The following MYL12A variants were observed in gnomAD, a reference collection of about 807,000 sequenced individuals.
The protein encoded by MYL12A is myosin light chain 12A, also known as myosin regulatory light chain 12A.
A neutral mutation model predicts 13.3 loss-of-function variants in MYL12A; 11 were observed. That is an observed-to-expected ratio of 0.83 (90% CI 0.52 to 1.37). The LOEUF is 1.37. Ranked by LOEUF, MYL12A falls within the 40% of genes most tolerant of loss-of-function variation. The probability of loss-of-function intolerance (pLI) is 0.00; values close to 1 mark genes in which losing one functional copy is unlikely to be tolerated. For missense variants in MYL12A, 146 were observed against 212.3 expected, an observed-to-expected ratio of 0.69 and a Z score of 1.94; for synonymous variants, 51 against 69.9, an observed-to-expected ratio of 0.73 and a Z score of 1.35.
intron 1 of MYL12A, chr18:3,248,444 A>G (rs2081452049): frequency 6.6e-6 from 1 of 152,222 alleles, no homozygotes; most frequent in Admixed American, 6.5e-5. Flanking sequence ...AAACTCCAAA[A>G]TGTAATACCT....
rs779502470 is a variant in MYL12A, at chr18:3,253,471, A to C, written c.181+43A>C. 7.5e-6 allele frequency: 12 copies of C among 1,591,398 alleles called. No individual in the cohort carries two copies. In the African/African-American group the frequency reaches 1.2e-4, roughly 16 times the overall value. ...TATTAATCTATTGGATAGAATTTCC[A>C]TGGTGCCTTTCATCTTGATTTCATG... On this transcript the variant is annotated intron_variant, in intron 2 of 3. Coordinates refer to ENST00000217652, the MANE Select transcript of MYL12A (RefSeq NM_006471.4).
At chr18:3,248,219 A>G (rs950696266) in intron 1 of MYL12A, 1 of 146,328 alleles carries the variant, frequency 6.8e-6, no homozygotes, top group African/African-American at 2.5e-5. Flanking sequence ...TCTAACGTCA[A>G]CTTGCCCGAT....
At chr18:3,253,597 G>A in intron 2 of MYL12A, 169 bp downstream of exon 2, 1 of 884,440 alleles carries the variant, frequency 1.1e-6, no homozygotes, top group Non-Finnish European at 1.7e-6. Flanking sequence ...TCGTGACCCT[G>A]TCTTAGGATT....
chr18:3,253,456 T>C (rs2081507445), intron 2 of MYL12A, 28 bp downstream of exon 2: 1 of 1,601,972 alleles, frequency 6.2e-7, no homozygotes, highest in African/African-American at 1.3e-5. Context: ...TATTAATCTA[T>C]TGGATAGAAT....
chr18:3,250,738 C>T (rs930695662), intron 1 of MYL12A, among the ~76,000 whole-genome samples: 1 of 152,158 alleles, frequency 6.6e-6, no homozygotes, highest in Non-Finnish European at 1.5e-5. Context: ...TAAATGATCC[C>T]ACACGGGGTT....
At chr18:3,251,994 A>G (rs1662344) in intron 1 of MYL12A, among the ~76,000 whole-genome samples, 22,721 of 152,084 alleles carry the variant, frequency 0.15, 1,773 homozygotes, top group East Asian at 0.26. Flanking sequence ...AGTCTGGACG[A>G]TATGGTTATA....
At chr18:3,249,750 A>G (rs1001582910) in intron 1 of MYL12A, 5 of 152,236 alleles carry the variant, frequency 3.3e-5, no homozygotes, top group African/African-American at 7.2e-5. Flanking sequence ...TCTACTAAAA[A>G]TACAAAAATT....
chr18:3,253,369 A>G lies in MYL12A; in HGVS notation c.122A>G (p.Asp41Gly), dbSNP rs1427576709. The part of the protein sequence containing the change: ...QEFKEAFNMI[D>G]QNRDGFIDKE... ...TTCAAAGAGGCCTTCAACATGATTG[A>G]TCAGAACAGAGATGGTTTCATCGAC... Residue 41 changes from aspartate to glycine, a missense_variant, in exon 2 of 4, where the codon GAT (aspartate) becomes GGT (glycine). By Grantham distance (94) the Asp-to-Gly change is moderately conservative (BLOSUM62 -1). Coordinates refer to ENST00000217652, the MANE Select transcript of MYL12A (RefSeq NM_006471.4). 6.2e-7 allele frequency: 1 copy of G among 1,613,990 alleles called. No homozygotes were observed. Among genetic ancestry groups the G allele is most frequent in the Non-Finnish European group, 8.5e-7 (1 of 1,179,842 alleles).
chr18:3,253,545 G>A (rs1791105), intron 2 of MYL12A, 117 bp downstream of exon 2: 838,063 of 1,284,772 alleles, frequency 0.65, 279,101 homozygotes, highest in Admixed American at 0.72. Flanking sequence ...TAAGGTTTGA[G>A]TAAAGTGTGG....
intron 3 of MYL12A, 48 bp downstream of exon 3, chr18:3,254,098 A>C (rs762356515): frequency 6.3e-7 from 1 of 1,581,514 alleles, no homozygotes; most frequent in Admixed American, 1.9e-5. Context: ...ATTTTTAGTT[A>C]TGGTAACTAA....
intron 3 of MYL12A, chr18:3,255,506 T>C (rs530491363): frequency 4.0e-5 from 16 of 401,948 alleles, no homozygotes; most frequent in African/African-American, 2.7e-4. Context: ...GATCAGAAGC[T>C]GAATGTGGAG....
At chr18:3,254,647 G>T (rs1485955193) in intron 3 of MYL12A, among the ~76,000 whole-genome samples, 1 of 152,222 alleles carries the variant, frequency 6.6e-6, no homozygotes. Flanking sequence ...ATTAAGTGAA[G>T]AAGTGAGATG....
Position 3,253,929 on chromosome 18 carries a change from T to C in MYL12A, c.222T>C (p.Asn74=). The C allele has an allele frequency of 1.2e-6, 2 of 1,612,000 alleles. No individual in the cohort carries two copies. The highest frequency in any genetic ancestry group is 1.7e-6 in the Non-Finnish European group (2 of 1,179,540). ...ATGAGTATCTAGATGCCATGATGAA[T>C]GAGGCTCCAGGCCCCATCAATTTCA... ...PTDEYLDAMM[N]EAPGPINFTM... Residue 74 remains asparagine, a synonymous_variant, in exon 3 of 4, where the codon AAT becomes AAC. Transcript: ENST00000217652.
At chr18:3,252,178 G>A (rs1435397867) in intron 1 of MYL12A, 11 of 594,578 alleles carry the variant, frequency 1.9e-5, no homozygotes, top group Non-Finnish European at 2.8e-5. Flanking sequence ...TTTTCAGAAC[G>A]TAAGCTTTAA....
Position 3,256,147 on chromosome 18 carries a change from A to C in MYL12A, c.*229A>C. 1 of 563,562 alleles carries C rather than the reference A, an allele frequency of 1.8e-6. No individual in the cohort carries two copies. Among genetic ancestry groups the C allele is most frequent in the Non-Finnish European group, 3.1e-6 (1 of 324,270 alleles). The allele number at this position is 563,562 out of a possible 1,614,324, so 34.9% of individuals were successfully genotyped here. A position where few individuals can be genotyped will look rare whatever the true frequency, so the allele number is the denominator to read the frequency against. On this transcript the variant is annotated 3_prime_UTR_variant, in exon 4 of 4. Coordinates refer to ENST00000217652, the MANE Select transcript of MYL12A (RefSeq NM_006471.4). The stretch of plus-strand genomic sequence containing the variant: ...ACCTACCAGCCCTTCTCCCCCAATA[A>C]CTGTGGTCTATACAGAGTCAATATA...
chr18:3,252,976 A>G (rs939520482), intron 1 of MYL12A, among the ~76,000 whole-genome samples: 1 of 151,732 alleles, frequency 6.6e-6, no homozygotes, highest in Non-Finnish European at 1.5e-5. Context: ...GAGTTTCCTA[A>G]GTACCTAATT....
intron 1 of MYL12A, among the ~76,000 whole-genome samples, chr18:3,250,105 G>C (rs1399973061): frequency 6.6e-6 from 1 of 151,624 alleles, no homozygotes; most frequent in Non-Finnish European, 1.5e-5. Context: ...GATAGCATTA[G>C]GAGATATACC....
chr18:3,253,329 T>C lies in MYL12A; in HGVS notation c.82T>C (p.Ser28Pro), dbSNP rs1473010732. The change falls in exon 2 of 4, where the codon TCA (serine) becomes CCA (proline). Residue 28 changes from serine (S) to proline (P), a missense_variant. By Grantham distance (74) the Ser-to-Pro change is moderately conservative. Transcript: ENST00000217652. ...TSNVFAMFDQ[S>P]QIQEFKEAFN... ...CAATGTGTTTGCTATGTTTGACCAG[T>C]CACAGATTCAGGAGTTCAAAGAGGC... The C allele has an allele frequency of 1.2e-6, 2 of 1,614,054 alleles. No homozygotes were observed. The highest frequency in any genetic ancestry group is 1.7e-5 in the Admixed American group (1 of 60,028).
At chr18:3,248,524 T>C (rs954130241) in intron 1 of MYL12A, 2 of 152,216 alleles carry the variant, frequency 1.3e-5, no homozygotes, top group African/African-American at 4.8e-5. Context: ...TAAAGTAGTT[T>C]AGTAGGTATA....
Sources: gnomAD v4.1 joint callset for allele counts (sites outside exome capture counted in the v4.1 genomes callset) on GRCh38, gnomAD v4.1.1 for gene constraint, MANE v1.5 for transcripts, NCBI Gene and HGNC (gene_info 2026-07-23, HGNC 2026-07-21) for gene names.